Variants in LAPTM4B observed in about 807,000 individuals in gnomAD.
LAPTM4B encodes lysosomal protein transmembrane 4 beta, also known as lysosomal-associated transmembrane protein 4B.
LAPTM4B carries 26 observed loss-of-function variants against 28.5 expected under a neutral mutation model. That is an observed-to-expected ratio of 0.91 (90% CI 0.67 to 1.27). The LOEUF is 1.27. LAPTM4B is among the 50% of genes most tolerant of loss of function. The pLI, the probability that LAPTM4B is intolerant of heterozygous loss-of-function variation, is 0.00. For synonymous variants in LAPTM4B, 109 were observed against 106.4 expected (o/e 1.02, Z -0.15); for missense variants, 288 against 285.8 (o/e 1.01, Z -0.06).
intron 1 of LAPTM4B, among the ~76,000 whole-genome samples, chr8:97,787,371 C>T (rs574736831): frequency 3.3e-5 from 5 of 150,678 alleles, no homozygotes; most frequent in South Asian, 2.1e-4. Flanking sequence ...CTGCAAGCTC[C>T]GCCTCCCAGG....
intron 6 of LAPTM4B, among the ~76,000 whole-genome samples, chr8:97,829,481 C>T (rs547980637): frequency 7.2e-5 from 11 of 151,960 alleles, no homozygotes; most frequent in African/African-American, 2.7e-4. Context: ...ATAAGGAAGA[C>T]GGGAGGTTAC....
chr8:97,823,243 C>T (rs1353951470), intron 5 of LAPTM4B, among the ~76,000 whole-genome samples: 1 of 152,124 alleles, frequency 6.6e-6, no homozygotes, highest in East Asian at 1.9e-4. Flanking sequence ...AGGTTTTTCC[C>T]CTTTTGGAGT....
At chr8:97,812,003 GC>G (rs913314906) in intron 2 of LAPTM4B, among the ~76,000 whole-genome samples, 2 of 151,580 alleles carry the variant, frequency 1.3e-5, no homozygotes, top group African/African-American at 4.8e-5. Flanking sequence ...ACGGGGTTTT[GC>G]CATGTTTCCC....
chr8:97,799,073 G>C (rs1015262728), intron 1 of LAPTM4B, among the ~76,000 whole-genome samples: 1 of 152,032 alleles, frequency 6.6e-6, no homozygotes, highest in Admixed American at 6.6e-5. Context: ...TAGTAATTCT[G>C]CCTCCATGTG....
intron 6 of LAPTM4B, among the ~76,000 whole-genome samples, chr8:97,850,972 C>T (rs1817515116): frequency 6.6e-6 from 1 of 151,232 alleles, no homozygotes; most frequent in Non-Finnish European, 1.5e-5. Flanking sequence ...TGTGACTGAC[C>T]CAGGCTTTGA....
At chr8:97,819,389 A>G (rs1263790806) in intron 5 of LAPTM4B, 151 bp downstream of exon 5, 6 of 589,386 alleles carry the variant, frequency 1.0e-5, no homozygotes, top group East Asian at 2.8e-5. Flanking sequence ...TATGCTGTCT[A>G]TGTTGGAGGT....
At chr8:97,833,162 C>T (rs570415367) in intron 6 of LAPTM4B, among the ~76,000 whole-genome samples, 33 of 151,918 alleles carry the variant, frequency 2.2e-4, no homozygotes, top group African/African-American at 5.8e-4. Context: ...GGTGAAAACC[C>T]GTTACTCCTA....
intron 6 of LAPTM4B, among the ~76,000 whole-genome samples, chr8:97,828,597 T>G (rs1472615862): frequency 6.6e-6 from 1 of 152,186 alleles, no homozygotes; most frequent in Non-Finnish European, 1.5e-5. Context: ...ATACAAGGCC[T>G]GATTGATTTA....
At chr8:97,849,660 T>A (rs1256120845) in intron 6 of LAPTM4B, among the ~76,000 whole-genome samples, 1 of 152,208 alleles carries the variant, frequency 6.6e-6, no homozygotes, top group Non-Finnish European at 1.5e-5. Context: ...GCTGGCCAGT[T>A]ATCGGCTTCT....
At chr8:97,815,459 G>A (rs985189816) in intron 3 of LAPTM4B, 58 bp downstream of exon 3, 2 of 1,175,750 alleles carry the variant, frequency 1.7e-6, no homozygotes, top group African/African-American at 3.0e-5. Flanking sequence ...TGTGTAATCT[G>A]TGCTGCTGTC....
chr8:97,823,496 T>G (rs1259742346), intron 5 of LAPTM4B, among the ~76,000 whole-genome samples: 2 of 151,788 alleles, frequency 1.3e-5, no homozygotes, highest in South Asian at 2.1e-4. Context: ...TGCCTCAGCC[T>G]CCCACATAGC....
intron 6 of LAPTM4B, among the ~76,000 whole-genome samples, chr8:97,847,702 T>C (rs11995279): frequency 0.17 from 25,816 of 152,192 alleles, 2,302 homozygotes; most frequent in East Asian, 0.23. Flanking sequence ...CCAACCCTTC[T>C]AATAATATCA....
At chr8:97,802,068 T>C (rs1312646803) in intron 1 of LAPTM4B, among the ~76,000 whole-genome samples, 2 of 152,212 alleles carry the variant, frequency 1.3e-5, no homozygotes, top group Non-Finnish European at 2.9e-5. Context: ...AACAAGATAC[T>C]GTTATAATAA....
Position 97,815,421 on chromosome 8 carries a change from A to C in LAPTM4B, c.285+20A>C. On this transcript the variant is annotated intron_variant, in intron 3 of 6. Transcript: ENST00000521545. Reference sequence around the variant, plus strand: ...TACAAGGTAAGCCGCTTGCAGTAAGATGCTGGCCTTTTCCTTGGTCTCTTA... The same window carrying C: ...TACAAGGTAAGCCGCTTGCAGTAAGCTGCTGGCCTTTTCCTTGGTCTCTTA... The C allele has an allele frequency of 6.7e-7, 1 of 1,496,786 alleles. No homozygotes were observed. Among genetic ancestry groups the C allele is most frequent in the Non-Finnish European group, 9.3e-7 (1 of 1,074,424 alleles). The allele number at this position is 1,496,786 out of a possible 1,614,324, so 92.7% of individuals were successfully genotyped here. A position where few individuals can be genotyped will look rare whatever the true frequency, so the allele number is the denominator to read the frequency against.
At chr8:97,850,923 C>T (rs981957864) in intron 6 of LAPTM4B, among the ~76,000 whole-genome samples, 11 of 151,220 alleles carry the variant, frequency 7.3e-5, no homozygotes, top group Admixed American at 7.2e-4. Flanking sequence ...GACATGGAAA[C>T]TGATGTTAAG....
At chr8:97,801,136 G>T (rs1044538847) in intron 1 of LAPTM4B, among the ~76,000 whole-genome samples, 2 of 150,422 alleles carry the variant, frequency 1.3e-5, no homozygotes, top group Non-Finnish European at 2.9e-5. Context: ...ACCCTGTTAT[G>T]ATAACAATAA....
intron 4 of LAPTM4B, 73 bp from the exon 5 acceptor site, chr8:97,819,067 C>T (rs769812403): frequency 5.5e-6 from 5 of 901,532 alleles, no homozygotes; most frequent in African/African-American, 1.7e-5. Flanking sequence ...ATAAGCATGT[C>T]TGAATTGGTG....
At chr8:97,822,837 A>AT (rs10622932) in intron 5 of LAPTM4B, among the ~76,000 whole-genome samples, 28 of 150,992 alleles carry the variant, frequency 1.9e-4, no homozygotes, top group African/African-American at 2.9e-4. Flanking sequence ...TCTTTTAGTT[A>AT]TTTTTTTTAT....
chr8:97,794,224 CCCG>C (rs1816546632), intron 1 of LAPTM4B, among the ~76,000 whole-genome samples: 1 of 152,156 alleles, frequency 6.6e-6, no homozygotes, highest in African/African-American at 2.4e-5. Context: ...AGGTGAACCG[CCCG>C]CCTTGGCCTC....
Sources: gnomAD v4.1 joint callset for allele counts (sites outside exome capture counted in the v4.1 genomes callset) on GRCh38, gnomAD v4.1.1 for gene constraint, MANE v1.5 for transcripts, NCBI Gene and HGNC (gene_info 2026-07-23, HGNC 2026-07-21) for gene names.